Variants in DPP10 observed in about 807,000 individuals in gnomAD.
The protein encoded by DPP10 is dipeptidyl peptidase like 10, also known as inactive dipeptidyl peptidase 10.
A neutral mutation model predicts 120.9 loss-of-function variants in DPP10; 33 were observed. The observed-to-expected ratio is 0.27, with a 90% confidence interval of 0.21 to 0.37. The LOEUF is 0.37. Ranked by LOEUF, DPP10 falls within the 10% of genes least tolerant of loss-of-function variation. The pLI is 1.00. For missense variants in DPP10, 816 were observed against 942.8 expected (o/e 0.87, Z 1.76); for synonymous variants, 337 against 326.1 (o/e 1.03, Z -0.36).
At chr2:114,751,540 G>T (rs920919621) in intron 1 of DPP10, among the ~76,000 whole-genome samples, 1 of 152,170 alleles carries the variant, frequency 6.6e-6, no homozygotes, top group Non-Finnish European at 1.5e-5. Flanking sequence ...GATCTGAAAA[G>T]GTTGCTAGCG....
At chr2:114,450,052 A>G (rs1450513747) in intron 1 of DPP10, among the ~76,000 whole-genome samples, 1 of 152,120 alleles carries the variant, frequency 6.6e-6, no homozygotes, top group Non-Finnish European at 1.5e-5. Flanking sequence ...GTGCTACCAA[A>G]ATGGAAAATA....
At chr2:114,591,167 G>A (rs545610097) in intron 1 of DPP10, among the ~76,000 whole-genome samples, 84 of 152,292 alleles carry the variant, frequency 5.5e-4, no homozygotes, top group Middle Eastern at 6.8e-3. Context: ...CTTAGCATTC[G>A]AATGGGGTAA....
At chr2:114,535,343 GC>G (rs1686394029) in intron 1 of DPP10, among the ~76,000 whole-genome samples, 2 of 152,114 alleles carry the variant, frequency 1.3e-5, no homozygotes, top group Admixed American at 1.3e-4. Flanking sequence ...GGATAGTCAA[GC>G]TTTCAAGCAC....
chr2:115,616,111 T>A (rs941987628), intron 5 of DPP10, among the ~76,000 whole-genome samples: 3 of 152,136 alleles, frequency 2.0e-5, no homozygotes, highest in African/African-American at 7.2e-5. Flanking sequence ...CCTGGGACAT[T>A]AGCTTCATTT....
chr2:115,830,078 G>A (rs578214865), intron 21 of DPP10, among the ~76,000 whole-genome samples: 5 of 152,022 alleles, frequency 3.3e-5, no homozygotes, highest in South Asian at 2.1e-4. Context: ...AATCACAGCC[G>A]GGAGCAGTGG....
intron 5 of DPP10, among the ~76,000 whole-genome samples, chr2:115,548,666 AAGG>A (rs1470469279): frequency 6.6e-6 from 1 of 152,156 alleles, no homozygotes; most frequent in African/African-American, 2.4e-5. Context: ...ATGGATGAGG[AAGG>A]AGTTCAGTAA....
At chr2:115,611,800 T>A (rs187933192) in intron 5 of DPP10, among the ~76,000 whole-genome samples, 5 of 152,218 alleles carry the variant, frequency 3.3e-5, no homozygotes, top group Admixed American at 6.5e-5. Context: ...ATGAAGTCAC[T>A]TGATTTTCTG....
chr2:115,288,833 T>C (rs1455592901), intron 1 of DPP10, among the ~76,000 whole-genome samples: 1 of 152,048 alleles, frequency 6.6e-6, no homozygotes, highest in Non-Finnish European at 1.5e-5. Context: ...GCACAGCCAA[T>C]ATAATACTGA....
intron 21 of DPP10, among the ~76,000 whole-genome samples, chr2:115,828,972 C>T (rs1240340614): frequency 1.3e-5 from 2 of 152,042 alleles, no homozygotes; most frequent in East Asian, 3.9e-4. Context: ...TTAAAGATAG[C>T]AGTCTCTGTT....
intron 1 of DPP10, among the ~76,000 whole-genome samples, chr2:115,049,307 T>C (rs1559034497): frequency 6.6e-6 from 1 of 152,098 alleles, no homozygotes; most frequent in Non-Finnish European, 1.5e-5. Flanking sequence ...GCTATGCCCA[T>C]TTATATTACT....
At chr2:114,951,684 A>G (rs72832490) in intron 1 of DPP10, among the ~76,000 whole-genome samples, 3,516 of 152,138 alleles carry the variant, frequency 0.023, 62 homozygotes, top group Non-Finnish European at 0.033. Flanking sequence ...TCTTTTATCA[A>G]ATCTTATCTG....
chr2:115,755,281 A>C (rs1679256151), intron 11 of DPP10, among the ~76,000 whole-genome samples: 2 of 152,172 alleles, frequency 1.3e-5, no homozygotes, highest in Admixed American at 6.6e-5. Context: ...AATAAACTTT[A>C]AAATGAAACT....
intron 8 of DPP10, 27 bp downstream of exon 8, chr2:115,727,963 G>A: frequency 6.3e-7 from 1 of 1,582,210 alleles, no homozygotes; most frequent in Non-Finnish European, 8.6e-7. Flanking sequence ...TAGTTTCAAA[G>A]GAAACAAATG....
intron 1 of DPP10, among the ~76,000 whole-genome samples, chr2:115,167,862 C>G (rs544259323): frequency 2.0e-5 from 3 of 152,272 alleles, no homozygotes; most frequent in Admixed American, 2.0e-4. Flanking sequence ...CTGTTCTACT[C>G]TGTAAGAAGT....
chr2:115,639,807 G>T (rs1450856988), intron 5 of DPP10, among the ~76,000 whole-genome samples: 2 of 152,076 alleles, frequency 1.3e-5, no homozygotes, highest in Non-Finnish European at 2.9e-5. Context: ...GTTCTTCTGT[G>T]CAGTCTAGTT....
chr2:115,505,260 T>C (rs1298304703), intron 4 of DPP10, among the ~76,000 whole-genome samples: 1 of 151,830 alleles, frequency 6.6e-6, no homozygotes, highest in Non-Finnish European at 1.5e-5. Context: ...AAAAATAATA[T>C]TAAAAATAAT....
intron 1 of DPP10, among the ~76,000 whole-genome samples, chr2:114,756,202 T>G (rs567965719): frequency 6.6e-6 from 1 of 152,176 alleles, no homozygotes; most frequent in Admixed American, 6.5e-5. Flanking sequence ...AAAATCATAG[T>G]TCAAACTGGA....
chr2:114,601,803 G>A (rs1170798531), intron 1 of DPP10, among the ~76,000 whole-genome samples: 1 of 151,940 alleles, frequency 6.6e-6, no homozygotes, highest in Non-Finnish European at 1.5e-5. Context: ...TGATTCTAAT[G>A]TAAATAAATG....
At chr2:115,319,008 T>G (rs887127971) in intron 2 of DPP10, among the ~76,000 whole-genome samples, 4 of 152,154 alleles carry the variant, frequency 2.6e-5, no homozygotes, top group African/African-American at 9.6e-5. Flanking sequence ...GTGGAAAGCT[T>G]TCAGTCTTTA....
Sources: allele counts gnomAD v4.1 joint callset (sites outside exome capture counted in the v4.1 genomes callset), GRCh38; gene constraint gnomAD v4.1.1; transcripts MANE v1.5; gene names NCBI Gene and HGNC (gene_info 2026-07-23, HGNC 2026-07-21).